Variants in QPCT observed in about 807,000 individuals in gnomAD.
The protein encoded by QPCT is EC.
QPCT carries 44 observed loss-of-function variants against 43.4 expected under a neutral mutation model. That is an observed-to-expected ratio of 1.01 (90% CI 0.80 to 1.30). The LOEUF (loss-of-function observed/expected upper bound fraction) is 1.30. Ranked by LOEUF, QPCT falls within the 50% of genes most tolerant of loss-of-function variation. The pLI, the probability that QPCT is intolerant of heterozygous loss-of-function variation, is 0.00. For synonymous variants in QPCT, 168 were observed against 168.4 expected (o/e 1.00, Z 0.02); for missense variants, 526 against 436.5 (o/e 1.21, Z -1.83).
intron 3 of QPCT, among the ~76,000 whole-genome samples, chr2:37,366,486 T>G (rs1269668498): frequency 6.6e-6 from 1 of 152,234 alleles, no homozygotes; most frequent in Non-Finnish European, 1.5e-5. Context: ...TAATTATTAT[T>G]CTTCGTGTCT....
At chr2:37,372,329 C>T (rs1455772594) in intron 5 of QPCT, 27 bp from the exon 6 acceptor site, 1 of 1,459,936 alleles carries the variant, frequency 6.8e-7, no homozygotes. Flanking sequence ...AATAGTTGTT[C>T]ATTTACTGTA....
At chr2:37,363,044 A>G (rs941353105) in intron 3 of QPCT, among the ~76,000 whole-genome samples, 6 of 152,246 alleles carry the variant, frequency 3.9e-5, no homozygotes, top group Admixed American at 3.9e-4. Context: ...AGATTAGGCG[A>G]AAGCCTACAC....
In QPCT at chr2:37,372,476, A is replaced by ATGTGTG. The variant is rs112031803; in HGVS notation, c.940+18_940+23dup. 2.2e-6 allele frequency: 3 copies of ATGTGTG among 1,347,118 alleles called. No individual in the cohort carries two copies. The highest frequency in any genetic ancestry group is 6.2e-5 in the East Asian group (2 of 32,204). 83.4% of individuals were successfully genotyped at this position (1,347,118 alleles called of 1,614,324 possible). On this transcript the variant is annotated splice_donor_region_variant and intron_variant, in intron 6 of 6. Coordinates refer to ENST00000338415, the MANE Select transcript of QPCT (RefSeq NM_012413.4). ...CATATTCCATTTTTAAGAAGAGGTA[A>ATGTGTG]TGTGTGTGTGTGTGTGTGTTTGTGT...
chr2:37,347,165 A>AAATATATATATATAT (rs1558599309), intron 1 of QPCT, among the ~76,000 whole-genome samples: 5 of 27,350 alleles, frequency 1.8e-4, no homozygotes, highest in African/African-American at 9.6e-4. Flanking sequence ...TATATATATA[A>AAATATATATATATAT]CATATATATA....
At chr2:37,358,958 G>T (rs373623621) in intron 2 of QPCT, 1 of 152,502 alleles carries the variant, frequency 6.6e-6, no homozygotes, top group Admixed American at 6.5e-5. Flanking sequence ...CACATGTTAT[G>T]CACTTGGGAC....
chr2:37,367,322 C>T lies in QPCT; in HGVS notation c.637C>T (p.Leu213Phe), dbSNP rs1672982326. 6.2e-7 allele frequency: 1 copy of T among 1,613,974 alleles called. No homozygotes were observed. The highest frequency in any genetic ancestry group is 2.2e-5 in the East Asian group (1 of 44,886). ...AFLHWSPQDSLYGSRHLAAKM... is the reference protein window; with the variant it reads ...AFLHWSPQDSFYGSRHLAAKM... ...TCTTCACTGGTCTCCTCAAGATTCT[C>T]TCTATGGGTCTCGACACTTAGCTGC... The change falls in exon 4 of 7, where the codon CTC (leucine) becomes TTC (phenylalanine). Residue 213 changes from leucine to phenylalanine, a missense_variant. Transcript: ENST00000338415.
At chr2:37,371,680 A>G (rs767667246) in intron 5 of QPCT, among the ~76,000 whole-genome samples, 9 of 152,198 alleles carry the variant, frequency 5.9e-5, no homozygotes, top group Non-Finnish European at 1.3e-4. Flanking sequence ...AACATACAAT[A>G]CATGACTTAT....
chr2:37,363,792 T>C (rs1363939496), intron 3 of QPCT, among the ~76,000 whole-genome samples: 1 of 151,960 alleles, frequency 6.6e-6, no homozygotes, highest in Non-Finnish European at 1.5e-5. Flanking sequence ...GGAGACATTA[T>C]ATCTATGAAA....
intron 3 of QPCT, among the ~76,000 whole-genome samples, chr2:37,365,983 A>G (rs953174702): frequency 3.9e-5 from 6 of 152,236 alleles, no homozygotes; most frequent in Admixed American, 1.3e-4. Context: ...GTGCTGGCAC[A>G]AAGTAGGTAG....
At position 37,369,678 on chromosome 2, in the gene QPCT, C is replaced by A. The variant is rs966794177; in HGVS notation, c.724-7C>A. On this transcript the variant is annotated splice_region_variant and splice_polypyrimidine_tract_variant and intron_variant, in intron 4 of 6. Transcript: ENST00000338415. ...ATGGTGATTAAACATTACTTTTTCT[C>A]CCTCAGGATTTATTGGTCTTATTGG... The A allele has an allele frequency of 9.0e-6, 14 of 1,563,924 alleles. No homozygotes were observed. The highest frequency in any genetic ancestry group is 1.1e-5 in the Non-Finnish European group (12 of 1,134,710).
chr2:37,348,063 C>CGTGTGT lies in QPCT; in HGVS notation c.120+3233_120+3238dup, dbSNP rs10598967. On this transcript the variant is annotated intron_variant, in intron 1 of 6. Transcript: ENST00000338415. ...ATCTCTCTCTCTCTGCGCGCGCACG[C>CGTGTGT]GTGTGTGTGTGTGTGTGTGTGTGTG... Among the ~76,000 whole-genome samples, 404 of 148,482 alleles carry CGTGTGT rather than the reference C, an allele frequency of 2.7e-3. 1 individual carries two copies. The highest frequency in any genetic ancestry group is 8.9e-3 in the African/African-American group (361 of 40,502).
chr2:37,356,405 A>G (rs1305644515), intron 2 of QPCT, among the ~76,000 whole-genome samples: 1 of 152,012 alleles, frequency 6.6e-6, no homozygotes, highest in Non-Finnish European at 1.5e-5. Context: ...AGTGTGATCT[A>G]TATTCTAAAT....
intron 3 of QPCT, among the ~76,000 whole-genome samples, chr2:37,361,974 T>G (rs1408382097): frequency 6.6e-6 from 1 of 152,238 alleles, no homozygotes; most frequent in Non-Finnish European, 1.5e-5. Flanking sequence ...ATGGCTATTT[T>G]TCTGCCATTC....
Position 37,359,687 on chromosome 2 carries a change from C to T in QPCT, c.375C>T (p.Ser125=), listed in dbSNP as rs769269982. The T allele has an allele frequency of 6.2e-7, 1 of 1,614,144 alleles. No homozygotes were observed. The highest frequency in any genetic ancestry group is 8.5e-7 in the Non-Finnish European group (1 of 1,179,988). ...ACCGGTCTTTCTCAAATATCATCAGCACCCTCAATCCCACTGCTAAACGAC... is the reference window on the plus strand; with the variant it reads ...ACCGGTCTTTCTCAAATATCATCAGTACCCTCAATCCCACTGCTAAACGAC... The part of the protein sequence containing the change: ...YGYRSFSNII[S]TLNPTAKRHL... Residue 125 remains serine, a synonymous_variant, in exon 3 of 7, where the codon AGC becomes AGT. Transcript: ENST00000338415.
intron 1 of QPCT, among the ~76,000 whole-genome samples, chr2:37,345,777 A>C (rs548153713): frequency 1.2e-4 from 18 of 150,054 alleles, no homozygotes; most frequent in African/African-American, 4.1e-4. Flanking sequence ...CGGAGCTTGC[A>C]GTAAGCCGAG....
At chr2:37,366,491 G>A (rs915914266) in intron 3 of QPCT, among the ~76,000 whole-genome samples, 3 of 152,216 alleles carry the variant, frequency 2.0e-5, no homozygotes, top group Non-Finnish European at 4.4e-5. Context: ...ATTATTCTTC[G>A]TGTCTGTAGC....
intron 3 of QPCT, among the ~76,000 whole-genome samples, chr2:37,365,979 G>A (rs754302383): frequency 6.6e-5 from 10 of 152,224 alleles, no homozygotes; most frequent in Admixed American, 3.9e-4. Flanking sequence ...ACGAGTGCTG[G>A]CACAAAGTAG....
At chr2:37,357,624 T>A (rs557286642) in intron 2 of QPCT, among the ~76,000 whole-genome samples, 24 of 152,326 alleles carry the variant, frequency 1.6e-4, no homozygotes, top group African/African-American at 5.3e-4. Flanking sequence ...AAAGTTAAGG[T>A]ACTGCATGCA....
intron 1 of QPCT, among the ~76,000 whole-genome samples, chr2:37,346,612 T>C (rs1672493986): frequency 6.6e-6 from 1 of 152,248 alleles, no homozygotes; most frequent in South Asian, 2.1e-4. Context: ...AAACGTCTTT[T>C]AAAGCATGAA....
Sources: gnomAD v4.1 joint callset for allele counts (sites outside exome capture counted in the v4.1 genomes callset) on GRCh38, gnomAD v4.1.1 for gene constraint, MANE v1.5 for transcripts, NCBI Gene and HGNC (gene_info 2026-07-23, HGNC 2026-07-21) for gene names.